The following MEIS1 variants were observed in gnomAD, a reference collection of about 807,000 sequenced individuals.
The protein encoded by MEIS1 is homeobox protein Meis1.
In MEIS1, 5 loss-of-function variants were observed where a neutral mutation model predicts 50.8. The observed-to-expected ratio is 0.10, with a 90% CI of 0.05 to 0.21. The LOEUF is 0.21. MEIS1 is among the 10% of genes least tolerant of loss of function. The pLI, the probability that MEIS1 is intolerant of heterozygous loss-of-function variation, is 1.00. For missense variants in MEIS1, 318 were observed against 517.3 expected (o/e 0.61, Z 3.74); for synonymous variants, 176 against 179.3 (o/e 0.98, Z 0.15).
At chr2:66,561,814 C>T (rs576161801) in intron 9 of MEIS1, among the ~76,000 whole-genome samples, 44 of 152,224 alleles carry the variant, frequency 2.9e-4, no homozygotes, top group African/African-American at 9.4e-4. Context: ...AGTTCACTTA[C>T]GCCTAGTTGG....
intron 6 of MEIS1, among the ~76,000 whole-genome samples, chr2:66,458,351 A>G (rs906523344): frequency 3.3e-5 from 5 of 152,272 alleles, no homozygotes; most frequent in East Asian, 3.9e-4. Context: ...TGAAAATAAG[A>G]TCAGTTTGCA....
At chr2:66,552,149 T>C (rs76977770) in intron 9 of MEIS1, among the ~76,000 whole-genome samples, 2,867 of 152,214 alleles carry the variant, frequency 0.019, 46 homozygotes, top group South Asian at 0.099. Flanking sequence ...AAAAATTCCC[T>C]TATACATGAT....
chr2:66,452,703 C>G (rs529953698), intron 6 of MEIS1, among the ~76,000 whole-genome samples: 6 of 151,942 alleles, frequency 3.9e-5, no homozygotes, highest in Non-Finnish European at 8.8e-5. Flanking sequence ...TTTCAGCCTG[C>G]TTTCCCTGTC....
chr2:66,522,011 G>A (rs1360768892), intron 8 of MEIS1, among the ~76,000 whole-genome samples: 3 of 152,208 alleles, frequency 2.0e-5, no homozygotes, highest in Non-Finnish European at 4.4e-5. Flanking sequence ...TCCGTAATGC[G>A]ATGGGTGGGC....
At position 66,440,838 on chromosome 2, in the gene MEIS1, CTT is replaced by C. The variant is rs1407540540; in HGVS notation, c.432+229_432+230del. On this transcript the variant is annotated intron_variant, in intron 4 of 12. Coordinates refer to ENST00000272369, the MANE Select transcript of MEIS1 (RefSeq NM_002398.3). ...GCGAGCCAGCGCGGGGAAACGCGAG[CTT>C]TTGTTTTTTATGACAGCCGGGCTGC... The C allele has an allele frequency of 1.2e-5, 7 of 570,478 alleles. No homozygotes were observed. The East Asian group carries it at 1.7e-4, about 14-fold the overall frequency. 35.3% of individuals were successfully genotyped at this position (570,478 alleles called of 1,614,324 possible).
intron 6 of MEIS1, among the ~76,000 whole-genome samples, chr2:66,450,682 A>G (rs1220330878): frequency 2.0e-5 from 3 of 152,172 alleles, no homozygotes; most frequent in Non-Finnish European, 2.9e-5. Flanking sequence ...ATCAGTAAAT[A>G]AGATTTTTGA....
At chr2:66,561,057 CA>C (rs1558564637) in intron 9 of MEIS1, among the ~76,000 whole-genome samples, 1 of 151,966 alleles carries the variant, frequency 6.6e-6, no homozygotes, top group African/African-American at 2.4e-5. Flanking sequence ...CTCTGAAGAC[CA>C]ACAGTTATGG....
intron 7 of MEIS1, among the ~76,000 whole-genome samples, chr2:66,499,394 C>T (rs770191410): frequency 1.3e-5 from 2 of 152,032 alleles, no homozygotes; most frequent in Non-Finnish European, 2.9e-5. Flanking sequence ...CTTGGCATTT[C>T]CTCTCCCTCC....
rs985693021 is a variant in MEIS1 at position 66,444,612 on chromosome 2, C to T, written c.630+1564C>T. 2.6e-5 allele frequency among the ~76,000 whole-genome samples: 4 copies of T among 152,204 alleles called. No individual in the cohort carries two copies. The East Asian group carries it at 5.8e-4, about 22-fold the overall frequency. ...ACACGCAGCGTGCGCAATCCCAGTG[C>T]GGCCCCACAGAAGTGGGAAAACTGC... On this transcript the variant is annotated intron_variant, in intron 6 of 12. Transcript: ENST00000272369.
At chr2:66,462,329 T>C (rs1325661382) in intron 6 of MEIS1, among the ~76,000 whole-genome samples, 1 of 152,096 alleles carries the variant, frequency 6.6e-6, no homozygotes, top group Non-Finnish European at 1.5e-5. Flanking sequence ...AAAATGAGAG[T>C]GCCCAGGAGA....
In MEIS1 at chr2:66,439,916, G is replaced by A. The variant is rs778385393; in HGVS notation, c.313G>A (p.Gly105Arg). The part of the protein sequence containing the change: ...ELATCTPREP[G>R]VAGGDVCSSE... ...AGCTACTTGTACCCCCCGCGAGCCG[G>A]GGGTGGCGGGCGGGGACGTCTGCTC... Residue 105 changes from glycine (G) to arginine (R), a missense_variant, in exon 3 of 13, where the codon GGG (glycine) becomes AGG (arginine). Around this residue, in one of 6 missense-constraint regions of MEIS1, gnomAD observed 75 missense variants for 153.7 expected, o/e 0.49. Coordinates refer to ENST00000272369, the MANE Select transcript of MEIS1 (RefSeq NM_002398.3). 3.7e-6 allele frequency: 6 copies of A among 1,613,752 alleles called. No homozygotes were observed. The highest frequency in any genetic ancestry group is 1.7e-6 in the Non-Finnish European group (2 of 1,179,812).
At chr2:66,506,422 A>C (rs959341038) in intron 7 of MEIS1, among the ~76,000 whole-genome samples, 1 of 152,142 alleles carries the variant, frequency 6.6e-6, no homozygotes, top group South Asian at 2.1e-4. Context: ...AGAGCAGTGC[A>C]TGGTGCCATG....
chr2:66,503,799 C>T (rs1289832885), intron 7 of MEIS1, among the ~76,000 whole-genome samples: 3 of 126,960 alleles, frequency 2.4e-5, no homozygotes, highest in Admixed American at 1.0e-4. Flanking sequence ...GGCTGGAGTG[C>T]AATGGCGCGA....
chr2:66,511,607 A>G (rs1673831679), intron 7 of MEIS1, among the ~76,000 whole-genome samples: 1 of 152,190 alleles, frequency 6.6e-6, no homozygotes, highest in African/African-American at 2.4e-5. Flanking sequence ...GAAAAATTAT[A>G]TTTTATTTGA....
intron 7 of MEIS1, among the ~76,000 whole-genome samples, chr2:66,484,735 T>G (rs1445538718): frequency 6.6e-6 from 1 of 151,506 alleles, no homozygotes; most frequent in African/African-American, 2.4e-5. Context: ...ATTTTTTTTA[T>G]TTTTGGTAGA....
At chr2:66,447,342 C>G (rs760185655) in intron 6 of MEIS1, among the ~76,000 whole-genome samples, 1 of 152,158 alleles carries the variant, frequency 6.6e-6, no homozygotes, top group Non-Finnish European at 1.5e-5. Context: ...AATCCTGAAA[C>G]CTCTCAGTCC....
intron 1 of MEIS1, among the ~76,000 whole-genome samples, chr2:66,437,139 G>GT: frequency 6.6e-6 from 1 of 152,180 alleles, no homozygotes; most frequent in East Asian, 1.9e-4. Flanking sequence ...GGGTCAGTTA[G>GT]TTTTGTATAA....
chr2:66,455,839 C>A lies in MEIS1; in HGVS notation c.631-8270C>A, dbSNP rs892245914. Reference sequence around the variant, plus strand: ...ATTCCATTACAATGTAATTAAAAAACCATTAGATTCATTTTTTAACATTCT... The same window carrying A: ...ATTCCATTACAATGTAATTAAAAAAACATTAGATTCATTTTTTAACATTCT... On this transcript the variant is annotated intron_variant, in intron 6 of 12. Coordinates refer to ENST00000272369, the MANE Select transcript of MEIS1 (RefSeq NM_002398.3). Among the ~76,000 whole-genome samples, 3 of 152,134 alleles carry A rather than the reference C, an allele frequency of 2.0e-5. No individual in the cohort carries two copies. In the South Asian group the frequency reaches 6.2e-4, roughly 32 times the overall value.
intron 8 of MEIS1, among the ~76,000 whole-genome samples, chr2:66,540,501 G>T (rs561709648): frequency 6.6e-6 from 1 of 152,066 alleles, no homozygotes; most frequent in Non-Finnish European, 1.5e-5. Context: ...GTAGAGATGG[G>T]ATTTCCTCAT....
Sources: gnomAD v4.1 joint callset for allele counts (sites outside exome capture counted in the v4.1 genomes callset) on GRCh38, gnomAD v4.1.1 for gene constraint, gnomAD v4.1.1 regional missense constraint, MANE v1.5 for transcripts, NCBI Gene and HGNC (gene_info 2026-07-23, HGNC 2026-07-21) for gene names.